PRKCE: variants seen among roughly 807,000 people sequenced by gnomAD.
PRKCE encodes the protein protein kinase C epsilon.
A neutral mutation model predicts 85.4 loss-of-function variants in PRKCE; 16 were observed. The observed-to-expected ratio is 0.19, with a 90% CI of 0.13 to 0.28. PRKCE has a LOEUF of 0.28. Ranked by LOEUF, PRKCE falls within the 10% of genes least tolerant of loss-of-function variation. PRKCE has a pLI of 1.00. For synonymous variants in PRKCE, 388 were observed against 371.5 expected, an observed-to-expected ratio of 1.04 and a Z score of -0.51; for missense variants, 573 against 975.2, an observed-to-expected ratio of 0.59 and a Z score of 5.49.
chr2:46,004,432 C>A lies in PRKCE; in HGVS notation c.967-110C>A. On this transcript the variant is annotated intron_variant, in intron 7 of 14. Coordinates refer to ENST00000306156, the MANE Select transcript of PRKCE (RefSeq NM_005400.3). This position sits in a 1 kb window ranked among gnomAD's most constrained non-coding sequence, Gnocchi z 4.1. ...AGGACAGAGATCTACTGAATTCCTGCTGCTCTGGGAACTCTCATGGCTCTT... is the reference window on the plus strand; with the variant it reads ...AGGACAGAGATCTACTGAATTCCTGATGCTCTGGGAACTCTCATGGCTCTT... 1 of 905,992 alleles carries A rather than the reference C, an allele frequency of 1.1e-6. No individual in the cohort carries two copies. The highest frequency in any genetic ancestry group is 1.7e-6 in the Non-Finnish European group (1 of 585,416). The allele number at this position is 905,992 out of a possible 1,614,324, so 56.1% of individuals were successfully genotyped here.
intron 1 of PRKCE, among the ~76,000 whole-genome samples, chr2:45,696,486 G>A (rs1678162706): frequency 6.6e-6 from 1 of 152,090 alleles, no homozygotes; most frequent in Non-Finnish European, 1.5e-5. Flanking sequence ...TTTCCCTTGA[G>A]GAGTTTTGTG....
intron 2 of PRKCE, among the ~76,000 whole-genome samples, chr2:45,855,334 G>A (rs557074832): frequency 2.6e-4 from 39 of 152,160 alleles, no homozygotes; most frequent in Non-Finnish European, 4.4e-4. Flanking sequence ...ATCTTAGCAG[G>A]TATTTACAGA....
chr2:46,001,269 A>T lies in PRKCE; in HGVS notation c.824-135A>T. The T allele has an allele frequency of 1.8e-6, 1 of 547,960 alleles. No homozygotes were observed. Among genetic ancestry groups the T allele is most frequent in the Non-Finnish European group, 2.5e-6 (1 of 392,648 alleles). 33.9% of individuals were successfully genotyped at this position (547,960 alleles called of 1,614,324 possible). Reference sequence around the variant, plus strand: ...ATGGAAGACATATATATATATATATATATTTCTGTATTTTCCAAATTATAT... The same window carrying T: ...ATGGAAGACATATATATATATATATTTATTTCTGTATTTTCCAAATTATAT... On this transcript the variant is annotated intron_variant, in intron 6 of 14. Transcript: ENST00000306156. This position sits in a 1 kb window ranked among gnomAD's most constrained non-coding sequence, Gnocchi z 4.4.
chr2:46,162,372 CAA>C (rs1677864537), intron 14 of PRKCE, among the ~76,000 whole-genome samples: 1 of 152,116 alleles, frequency 6.6e-6, no homozygotes, highest in African/African-American at 2.4e-5. Context: ...GAGAGGATGG[CAA>C]AGAGAAAGGA....
chr2:45,829,988 G>T (rs1424482205), intron 1 of PRKCE, among the ~76,000 whole-genome samples: 1 of 150,696 alleles, frequency 6.6e-6, no homozygotes, highest in South Asian at 2.1e-4. Context: ...CAGGAGAATG[G>T]CGTGAACCTG....
chr2:46,005,379 T>A lies in PRKCE; in HGVS notation c.1063+741T>A, dbSNP rs61758281. ...TCAGATATGCCTGGTAAGGGACATA[T>A]GCATCTGCAGAAGAGGAATAACCAT... On this transcript the variant is annotated intron_variant, in intron 8 of 14. Transcript: ENST00000306156. Among the ~76,000 whole-genome samples, 1,269 of 152,300 alleles carry A rather than the reference T, an allele frequency of 8.3e-3. 11 individuals are homozygous for A. The highest frequency in any genetic ancestry group is 0.014 in the Non-Finnish European group (944 of 68,020).
At chr2:45,769,538 A>C (rs1685156662) in intron 1 of PRKCE, among the ~76,000 whole-genome samples, 2 of 152,178 alleles carry the variant, frequency 1.3e-5, no homozygotes, top group African/African-American at 4.8e-5. Flanking sequence ...TGGGCCCCGG[A>C]AACTGAAGAA....
rs182751301 is a variant in PRKCE at position 45,748,764 on chromosome 2, A to G, written c.349-94236A>G. 1.1e-3 allele frequency among the ~76,000 whole-genome samples: 161 copies of G among 152,348 alleles called. 1 individual carries two copies. Among genetic ancestry groups the G allele is most frequent in the Middle Eastern group, 3.4e-3 (1 of 294 alleles). On this transcript the variant is annotated intron_variant, in intron 1 of 14. Coordinates refer to ENST00000306156, the MANE Select transcript of PRKCE (RefSeq NM_005400.3). ...GATGATGCTCCTGCCCTGAAGGAGTAGCCCCTACAGGTGCTAGACTAGGTG... is the reference window on the plus strand; with the variant it reads ...GATGATGCTCCTGCCCTGAAGGAGTGGCCCCTACAGGTGCTAGACTAGGTG...
At chr2:46,019,681 C>G (rs115128438) in intron 10 of PRKCE, among the ~76,000 whole-genome samples, 1 of 152,000 alleles carries the variant, frequency 6.6e-6, no homozygotes, top group Admixed American at 6.5e-5. Flanking sequence ...GGTTTCCTTA[C>G]GTGTCTTTTC....
At chr2:45,760,457 C>G (rs1173578694) in intron 1 of PRKCE, among the ~76,000 whole-genome samples, 1 of 152,164 alleles carries the variant, frequency 6.6e-6, no homozygotes, top group African/African-American at 2.4e-5. Context: ...TTTCTAAAAT[C>G]ATTTTCTCAT....
intron 10 of PRKCE, among the ~76,000 whole-genome samples, chr2:46,058,616 T>A (rs1386147318): frequency 6.6e-6 from 1 of 152,182 alleles, no homozygotes; most frequent in Non-Finnish European, 1.5e-5. Context: ...AGTGTCGGAC[T>A]ACTCACCATC....
intron 11 of PRKCE, among the ~76,000 whole-genome samples, chr2:46,124,794 G>C (rs893279611): frequency 3.3e-5 from 5 of 152,218 alleles, no homozygotes; most frequent in African/African-American, 1.2e-4. Flanking sequence ...CTTAGTCACT[G>C]TGGGGAATGA....
rs549398707 is a variant in PRKCE at position 45,656,982 on chromosome 2, G to T, written c.348+4534G>T. 1.2e-4 allele frequency among the ~76,000 whole-genome samples: 18 copies of T among 152,366 alleles called. No individual in the cohort carries two copies. The East Asian group carries it at 2.1e-3, about 18-fold the overall frequency. On this transcript the variant is annotated intron_variant, in intron 1 of 14. Coordinates refer to ENST00000306156, the MANE Select transcript of PRKCE (RefSeq NM_005400.3). ...AGCAGAGGCTGAATGAATGCTGGAT[G>T]GATTGGCATTGCATTTAGCACAGGG...
At chr2:45,747,013 G>A (rs780261763) in intron 1 of PRKCE, among the ~76,000 whole-genome samples, 7 of 152,118 alleles carry the variant, frequency 4.6e-5, no homozygotes, top group Non-Finnish European at 8.8e-5. Flanking sequence ...CTGATGACAC[G>A]CTTCTCTGAT....
chr2:46,174,252 G>A (rs2104677538), intron 14 of PRKCE, among the ~76,000 whole-genome samples: 1 of 152,302 alleles, frequency 6.6e-6, no homozygotes, highest in Middle Eastern at 3.4e-3. Flanking sequence ...CGTTGGGCTG[G>A]GGAATGGTGG....
At chr2:45,716,439 C>G (rs1301938643) in intron 1 of PRKCE, among the ~76,000 whole-genome samples, 1 of 151,956 alleles carries the variant, frequency 6.6e-6, no homozygotes, top group Non-Finnish European at 1.5e-5. Context: ...ATCACTTGAA[C>G]TTAGGAAGCA....
At chr2:45,725,636 T>A (rs1680998043) in intron 1 of PRKCE, among the ~76,000 whole-genome samples, 1 of 151,942 alleles carries the variant, frequency 6.6e-6, no homozygotes, top group Non-Finnish European at 1.5e-5. Flanking sequence ...ATCGAGACCA[T>A]CCTGGCCAAC....
At chr2:45,963,521 C>T (rs1051836317) in intron 2 of PRKCE, among the ~76,000 whole-genome samples, 1 of 152,194 alleles carries the variant, frequency 6.6e-6, no homozygotes, top group African/African-American at 2.4e-5. Context: ...GTTGGCCAGG[C>T]TGGTCTAGAA....
chr2:45,665,950 G>A (rs552454439), intron 1 of PRKCE, among the ~76,000 whole-genome samples: 3 of 152,228 alleles, frequency 2.0e-5, no homozygotes, highest in South Asian at 2.1e-4. Context: ...CAGCCTTGGT[G>A]TAAGTAGGTA....
Sources: allele counts gnomAD v4.1 joint callset (sites outside exome capture counted in the v4.1 genomes callset), GRCh38; gene constraint gnomAD v4.1.1; non-coding constraint Gnocchi (gnomAD v3.1); transcripts MANE v1.5; gene names NCBI Gene and HGNC (gene_info 2026-07-23, HGNC 2026-07-21).